The following DDX60 variants were observed in gnomAD, a reference collection of about 807,000 sequenced individuals.
DDX60 encodes the protein DExD/H-box helicase 60.
In DDX60, 165 loss-of-function variants were observed where a neutral mutation model predicts 212.8. That is an observed-to-expected ratio of 0.78 (90% confidence interval 0.68 to 0.88). The LOEUF (loss-of-function observed/expected upper bound fraction) is 0.88. Ranked by LOEUF, DDX60 falls within the 40% of genes least tolerant of loss-of-function variation. The pLI is 0.00. For synonymous variants in DDX60, 703 were observed against 685.3 expected (o/e 1.03, Z -0.40); for missense variants, 1,905 against 2,003.9 (o/e 0.95, Z 0.94).
At chr4:168,227,128 A>G (rs1007772360) in intron 33 of DDX60, among the ~76,000 whole-genome samples, 7 of 152,030 alleles carry the variant, frequency 4.6e-5, no homozygotes, top group Non-Finnish European at 7.4e-5. Context: ...TTTAATATAC[A>G]TATATAGTGA....
At chr4:168,237,012 T>C (rs1453835574) in intron 32 of DDX60, among the ~76,000 whole-genome samples, 1 of 151,440 alleles carries the variant, frequency 6.6e-6, no homozygotes, top group Non-Finnish European at 1.5e-5. Context: ...AAAAAGTGTA[T>C]ATTATTTAAT....
chr4:168,285,896 A>AAAGGAAGGAAGGAAGG lies in DDX60; in HGVS notation c.1340-414_1340-399dup, dbSNP rs368802134. Among the ~76,000 whole-genome samples, 459 of 114,732 alleles carry AAAGGAAGGAAGGAAGG rather than the reference A, an allele frequency of 4.0e-3. 2 individuals carry two copies. Among genetic ancestry groups the AAAGGAAGGAAGGAAGG allele is most frequent in the African/African-American group, 0.01 (294 of 28,370 alleles). The allele number at this position is 114,732 out of a possible 152,430, so 75.3% of individuals were successfully genotyped here. A position where few individuals can be genotyped will look rare whatever the true frequency, so the allele number is the denominator to read the frequency against. On this transcript the variant is annotated intron_variant, in intron 10 of 37. Coordinates refer to ENST00000393743, the MANE Select transcript of DDX60 (RefSeq NM_017631.6). ...GGGAAGAAGAAAGGAAGGAGGGAAG[A>AAAGGAAGGAAGGAAGG]AAGGAAGGAAGGAAGGAAGGAAGGA...
chr4:168,269,198 A>G (rs1399546558), intron 19 of DDX60, among the ~76,000 whole-genome samples: 1 of 152,144 alleles, frequency 6.6e-6, no homozygotes, highest in African/African-American at 2.4e-5. Context: ...CTTCATGTCT[A>G]CTGCCAACCT....
At chr4:168,247,607 T>C (rs900542657) in intron 29 of DDX60, among the ~76,000 whole-genome samples, 1 of 152,228 alleles carries the variant, frequency 6.6e-6, no homozygotes, top group African/African-American at 2.4e-5. Flanking sequence ...CCACGTTGTC[T>C]GCAGGACGTG....
Position 168,255,516 on chromosome 4 carries a change from T to C in DDX60, c.3557+195A>G, listed in dbSNP as rs78619333. Among the ~76,000 whole-genome samples, 1,060 of 152,276 alleles carry C rather than the reference T, an allele frequency of 7.0e-3. 9 individuals are homozygous for C. The highest frequency in any genetic ancestry group is 0.025 in the African/African-American group (1,027 of 41,550). On this transcript the variant is annotated intron_variant, in intron 26 of 37. Transcript: ENST00000393743. ...CCAAGTCCTAAATGAGGCTGATTGA[T>C]GCAATTAAGGAATGAATGTACAATT... is the stretch of plus-strand genomic sequence containing the variant.
intron 33 of DDX60, 81 bp downstream of exon 33, chr4:168,236,171 T>A (rs1330306550): frequency 8.1e-6 from 11 of 1,360,812 alleles, no homozygotes; most frequent in Non-Finnish European, 1.1e-5. Flanking sequence ...GAATTAAAAT[T>A]CTACAGCTGC....
intron 30 of DDX60, among the ~76,000 whole-genome samples, chr4:168,239,867 T>C (rs1352746361): frequency 6.6e-6 from 1 of 151,854 alleles, no homozygotes; most frequent in African/African-American, 2.4e-5. Context: ...ATCTGACCTA[T>C]GAAAATTGTT....
intron 13 of DDX60, among the ~76,000 whole-genome samples, chr4:168,282,017 A>G (rs184601328): frequency 1.3e-5 from 2 of 152,338 alleles, no homozygotes; most frequent in East Asian, 3.9e-4. Flanking sequence ...AAACAACAAC[A>G]ACAAAAAAAC....
intron 13 of DDX60, among the ~76,000 whole-genome samples, chr4:168,281,247 C>T (rs541056429): frequency 1.4e-4 from 21 of 152,316 alleles, no homozygotes; most frequent in African/African-American, 4.8e-4. Flanking sequence ...TCTCTGGAAT[C>T]GCCTGTCCTC....
chr4:168,307,075 C>A (rs1436335080), intron 4 of DDX60, among the ~76,000 whole-genome samples: 1 of 152,102 alleles, frequency 6.6e-6, no homozygotes, highest in African/African-American at 2.4e-5. Flanking sequence ...TGAGGTGAAC[C>A]ATTGTGTTTT....
At chr4:168,315,416 A>T (rs559640046) in intron 1 of DDX60, among the ~76,000 whole-genome samples, 1 of 152,286 alleles carries the variant, frequency 6.6e-6, no homozygotes, top group Non-Finnish European at 1.5e-5. Flanking sequence ...CCAACCATAT[A>T]TCCTTTTTTT....
intron 27 of DDX60, among the ~76,000 whole-genome samples, chr4:168,252,174 G>A (rs900465793): frequency 3.3e-5 from 5 of 152,174 alleles, no homozygotes; most frequent in Non-Finnish European, 7.4e-5. Flanking sequence ...AACAAATAAC[G>A]AAACGGCAAA....
At chr4:168,236,135 T>C in intron 33 of DDX60, 117 bp downstream of exon 33, 1 of 954,994 alleles carries the variant, frequency 1.0e-6, no homozygotes, top group Non-Finnish European at 1.5e-6. Flanking sequence ...AACAAATTAT[T>C]CTATAAAACA....
chr4:168,299,238 G>T (rs1051635172), intron 6 of DDX60, among the ~76,000 whole-genome samples: 18 of 149,796 alleles, frequency 1.2e-4, no homozygotes, highest in Non-Finnish European at 2.1e-4. Context: ...GGTCAAACTT[G>T]GGTGAAAGGA....
chr4:168,297,144 T>G (rs28679548), intron 6 of DDX60, among the ~76,000 whole-genome samples: 55,086 of 151,332 alleles, frequency 0.36, 10,427 homozygotes, highest in African/African-American at 0.47. Flanking sequence ...CTCTTGACCT[T>G]GTGATTCACC....
chr4:168,318,602 G>T lies in DDX60; in HGVS notation c.-107+20C>A, dbSNP rs1737511849. 6.6e-6 allele frequency: 1 copy of T among 152,362 alleles called. No homozygotes were observed. The highest frequency in any genetic ancestry group is 2.1e-4 in the South Asian group (1 of 4,834). The allele number at this position is 152,362 out of a possible 1,614,324, so 9.4% of individuals were successfully genotyped here. On this transcript the variant is annotated intron_variant, in intron 1 of 37. Transcript: ENST00000393743. Reference sequence around the variant, plus strand: ...AGCTCCGCCCCAGGCTCTTCCCAAGGGACATCCCCGGCTCCTCACCGCGGA... The same window carrying T: ...AGCTCCGCCCCAGGCTCTTCCCAAGTGACATCCCCGGCTCCTCACCGCGGA...
chr4:168,294,948 G>A (rs1485757198), intron 6 of DDX60, among the ~76,000 whole-genome samples: 2 of 152,092 alleles, frequency 1.3e-5, no homozygotes, highest in South Asian at 2.1e-4. Flanking sequence ...AAAACCCAAC[G>A]GCCAATAGGT....
At position 168,222,634 on chromosome 4, in the gene DDX60, C is replaced by T. The variant is rs116712214; in HGVS notation, c.4825-753G>A. ...ATTTAATAATTTGCAGGTAACCATT[C>T]GAGTGACAGATATCAACTGCGTTCA... On this transcript the variant is annotated intron_variant, in intron 35 of 37. Coordinates refer to ENST00000393743, the MANE Select transcript of DDX60 (RefSeq NM_017631.6). Among the ~76,000 whole-genome samples the T allele has an allele frequency of 2.1e-3, 313 of 152,120 alleles. 1 individual carries two copies. Among genetic ancestry groups the T allele is most frequent in the Middle Eastern group, 0.017 (5 of 294 alleles).
chr4:168,280,960 T>C (rs1735567082), intron 13 of DDX60, among the ~76,000 whole-genome samples: 1 of 151,972 alleles, frequency 6.6e-6, no homozygotes, highest in African/African-American at 2.4e-5. Context: ...GCCCACATGG[T>C]GAAACCTCTT....
Sources: allele counts gnomAD v4.1 joint callset (sites outside exome capture counted in the v4.1 genomes callset), GRCh38; gene constraint gnomAD v4.1.1; transcripts MANE v1.5; gene names NCBI Gene and HGNC (gene_info 2026-07-23, HGNC 2026-07-21).